The following MBOAT1 variants were observed in gnomAD, a reference collection of about 807,000 sequenced individuals.
MBOAT1 encodes the protein membrane bound glycerophospholipid O-acyltransferase 1.
A neutral mutation model predicts 64.4 loss-of-function variants in MBOAT1; 67 were observed. That is an observed-to-expected ratio of 1.04 (90% CI 0.85 to 1.27). MBOAT1 has a LOEUF of 1.27. Ranked by LOEUF, MBOAT1 falls within the 50% of genes most tolerant of loss-of-function variation. The probability of loss-of-function intolerance (pLI) is 0.00; values close to 1 mark genes in which losing one functional copy is unlikely to be tolerated. For synonymous variants in MBOAT1, 229 were observed against 218.9 expected (o/e 1.05, Z -0.41); for missense variants, 563 against 604.6 (o/e 0.93, Z 0.72).
intron 1 of MBOAT1, among the ~76,000 whole-genome samples, chr6:20,157,530 G>A (rs977068695): frequency 6.6e-6 from 1 of 152,256 alleles, no homozygotes; most frequent in East Asian, 1.9e-4. Flanking sequence ...AAAATTACAT[G>A]TAGAATTGCC....
At chr6:20,210,766 C>T (rs1455498409) in intron 1 of MBOAT1, among the ~76,000 whole-genome samples, 4 of 152,130 alleles carry the variant, frequency 2.6e-5, no homozygotes, top group Non-Finnish European at 5.9e-5. Flanking sequence ...TACAAAAAGC[C>T]TTCCTGGAGT....
At chr6:20,167,379 T>G (rs2113718598) in intron 1 of MBOAT1, among the ~76,000 whole-genome samples, 1 of 152,328 alleles carries the variant, frequency 6.6e-6, no homozygotes, top group Non-Finnish European at 1.5e-5. Context: ...CCCAGTAACA[T>G]ATAAGGGTAT....
At chr6:20,153,596 TACA>T (rs1250986471) in intron 1 of MBOAT1, among the ~76,000 whole-genome samples, 3 of 152,210 alleles carry the variant, frequency 2.0e-5, no homozygotes, top group Non-Finnish European at 2.9e-5. Context: ...ATGCAGGACT[TACA>T]ACAATGTCTC....
chr6:20,115,378 C>T lies in MBOAT1; in HGVS notation c.1012-26G>A, dbSNP rs1760290018. 2.5e-6 allele frequency: 4 copies of T among 1,586,298 alleles called. No homozygotes were observed. In the African/African-American group the frequency reaches 4.0e-5, roughly 16 times the overall value. ...CTGGAAAGAAGAAAATAACACCTAT[C>T]ATTAGCTTTAAAAATACCCGAAGTA... On this transcript the variant is annotated intron_variant, in intron 9 of 12. Coordinates refer to ENST00000324607, the MANE Select transcript of MBOAT1 (RefSeq NM_001080480.3).
At chr6:20,208,222 C>T (rs1310829810) in intron 1 of MBOAT1, among the ~76,000 whole-genome samples, 14 of 151,664 alleles carry the variant, frequency 9.2e-5, no homozygotes, top group African/African-American at 2.7e-4. Flanking sequence ...CCGAGGCAGG[C>T]GGATCACAAG....
chr6:20,109,781 A>C, intron 11 of MBOAT1, 32 bp from the exon 12 acceptor site: 2 of 1,593,712 alleles, frequency 1.3e-6, no homozygotes, highest in Non-Finnish European at 1.7e-6. Context: ...AGTAGTGAGG[A>C]GGGGGTGAAA....
intron 1 of MBOAT1, among the ~76,000 whole-genome samples, chr6:20,175,215 A>T (rs1762305924): frequency 6.6e-6 from 1 of 152,224 alleles, no homozygotes; most frequent in Non-Finnish European, 1.5e-5. Context: ...CCTTTAGCAT[A>T]GACACTGCTT....
chr6:20,147,969 C>T (rs1761375721), intron 3 of MBOAT1, among the ~76,000 whole-genome samples: 1 of 152,204 alleles, frequency 6.6e-6, no homozygotes, highest in South Asian at 2.1e-4. Flanking sequence ...TCACGCTAGG[C>T]CCTCTGCCCC....
In MBOAT1 at chr6:20,195,698, T is replaced by C. The variant is rs185592775; in HGVS notation, c.99+16438A>G. Among the ~76,000 whole-genome samples the C allele has an allele frequency of 2.1e-3, 323 of 152,284 alleles. 1 individual carries two copies. Among genetic ancestry groups the C allele is most frequent in the African/African-American group, 7.5e-3 (310 of 41,544 alleles). On this transcript the variant is annotated intron_variant, in intron 1 of 12. Transcript: ENST00000324607. ...ATATGTTTATATGTAACCATCTGTA[T>C]CTATATTAAACTAAACATGAGTTCA...
intron 1 of MBOAT1, among the ~76,000 whole-genome samples, chr6:20,153,066 C>T (rs1230207419): frequency 6.6e-6 from 1 of 152,130 alleles, no homozygotes; most frequent in Non-Finnish European, 1.5e-5. Context: ...GATCTCCTGA[C>T]CTCCTGATCC....
At chr6:20,127,977 C>T (rs1760712000) in intron 6 of MBOAT1, among the ~76,000 whole-genome samples, 1 of 152,106 alleles carries the variant, frequency 6.6e-6, no homozygotes, top group Non-Finnish European at 1.5e-5. Flanking sequence ...TGCTCCACTG[C>T]TTCCAAGTCC....
chr6:20,152,831 GT>G (rs1554118997), intron 1 of MBOAT1, 62 bp from the exon 2 acceptor site: 3 of 342,602 alleles, frequency 8.8e-6, no homozygotes, highest in African/African-American at 5.3e-5. Context: ...TTTTTTGTTT[GT>G]TTTGTTTTGT....
chr6:20,147,602 G>A (rs932118973), intron 3 of MBOAT1, among the ~76,000 whole-genome samples: 9 of 150,778 alleles, frequency 6.0e-5, no homozygotes, highest in East Asian at 1.9e-4. Context: ...TTGCGCCATC[G>A]CACTCCAGAC....
intron 3 of MBOAT1, among the ~76,000 whole-genome samples, chr6:20,150,106 AC>A (rs1347963836): frequency 6.6e-6 from 1 of 152,160 alleles, no homozygotes; most frequent in Non-Finnish European, 1.5e-5. Flanking sequence ...TTTCAGAAAG[AC>A]CATGTGAAAC....
At chr6:20,117,519 C>T (rs937789899) in intron 9 of MBOAT1, among the ~76,000 whole-genome samples, 3 of 152,204 alleles carry the variant, frequency 2.0e-5, no homozygotes, top group African/African-American at 7.2e-5. Flanking sequence ...CTCTGGAGGC[C>T]GTCCACATGC....
At chr6:20,130,563 C>G (rs1760791140) in intron 5 of MBOAT1, among the ~76,000 whole-genome samples, 1 of 152,132 alleles carries the variant, frequency 6.6e-6, no homozygotes, top group Admixed American at 6.6e-5. Context: ...TCATGTTGGT[C>G]AGGCTGATCT....
intron 1 of MBOAT1, among the ~76,000 whole-genome samples, chr6:20,198,088 C>T (rs1763008282): frequency 6.6e-6 from 1 of 151,820 alleles, no homozygotes; most frequent in African/African-American, 2.4e-5. Context: ...ATTAGCCAGG[C>T]ATGGTGGCAG....
chr6:20,167,968 C>T (rs1762058971), intron 1 of MBOAT1, among the ~76,000 whole-genome samples: 1 of 152,190 alleles, frequency 6.6e-6, no homozygotes, highest in African/African-American at 2.4e-5. Context: ...AATTTCCCTG[C>T]ACATCCTCCA....
chr6:20,107,608 A>G (rs533728697), intron 12 of MBOAT1, among the ~76,000 whole-genome samples: 6 of 152,318 alleles, frequency 3.9e-5, no homozygotes, highest in Non-Finnish European at 8.8e-5. Context: ...CCCCAGTGAG[A>G]GCAGAAATGA....
Sources: allele counts gnomAD v4.1 joint callset (sites outside exome capture counted in the v4.1 genomes callset), GRCh38; gene constraint gnomAD v4.1.1; transcripts MANE v1.5; gene names NCBI Gene and HGNC (gene_info 2026-07-23, HGNC 2026-07-21).